Variants in KDM4B observed in about 807,000 individuals in gnomAD.
The protein encoded by KDM4B is lysine-specific demethylase 4B.
KDM4B carries 32 observed loss-of-function variants against 125.2 expected under a neutral mutation model. The ratio of observed to expected loss-of-function variants is 0.26; its 90% CI spans 0.19 to 0.34. The LOEUF is 0.34. Ranked by LOEUF, KDM4B falls within the 10% of genes least tolerant of loss-of-function variation. KDM4B has a pLI of 1.00. For synonymous variants in KDM4B, 721 were observed against 677.9 expected (o/e 1.06, Z -0.99); for missense variants, 1,190 against 1,577.7 (o/e 0.75, Z 4.16).
At chr19:5,000,142 C>T (rs2035333689) in intron 1 of KDM4B, among the ~76,000 whole-genome samples, 1 of 144,296 alleles carries the variant, frequency 6.9e-6, no homozygotes, top group Non-Finnish European at 1.5e-5. Flanking sequence ...ACCTATCCAC[C>T]CATTTACTCA....
At chr19:4,983,135 C>G in intron 1 of KDM4B, among the ~76,000 whole-genome samples, 2 of 130,634 alleles carry the variant, frequency 1.5e-5, no homozygotes, top group East Asian at 4.4e-4. Context: ...TTTTTCTTTT[C>G]TTTTTTTTTT....
intron 11 of KDM4B, among the ~76,000 whole-genome samples, chr19:5,128,860 C>CGGG (rs10718211): frequency 1.4e-5 from 1 of 70,390 alleles, no homozygotes; most frequent in African/African-American, 5.5e-5. Context: ...AGGCGGGGGG[C>CGGG]GGGGGGGGGG....
rs555917525 is a variant in KDM4B, at chr19:5,041,320, C to A, written c.432+69C>A. On this transcript the variant is annotated intron_variant, in intron 5 of 22. Transcript: ENST00000159111. Reference sequence around the variant, plus strand: ...TGGGTGGTGGTGGGAGGGCCCTGAACGGGACTCTGCCTTGGCAGATGAAGC... The same window carrying A: ...TGGGTGGTGGTGGGAGGGCCCTGAAAGGGACTCTGCCTTGGCAGATGAAGC... The A allele has an allele frequency of 3.8e-5, 46 of 1,205,672 alleles. 1 individual carries two copies. The highest frequency in any genetic ancestry group is 5.5e-5 in the Non-Finnish European group (45 of 825,304). The allele number at this position is 1,205,672 out of a possible 1,614,324, so 74.7% of individuals were successfully genotyped here.
intron 1 of KDM4B, among the ~76,000 whole-genome samples, chr19:4,987,146 A>AC (rs2034864744): frequency 6.6e-6 from 1 of 151,898 alleles, no homozygotes; most frequent in African/African-American, 2.4e-5. Flanking sequence ...TTTAGTAGAG[A>AC]TGGGGTTTCG....
At position 5,032,506 on chromosome 19, in the gene KDM4B, A is replaced by G. The variant is rs138941685; in HGVS notation, c.-25-360A>G. Reference sequence around the variant, plus strand: ...GCGGTCTCTCGTGCGGATCAGGCTCAGAGCAGAGAGACTGATGTGCAGCGG... The same window carrying G: ...GCGGTCTCTCGTGCGGATCAGGCTCGGAGCAGAGAGACTGATGTGCAGCGG... On this transcript the variant is annotated intron_variant, in intron 2 of 22. Coordinates refer to ENST00000159111, the MANE Select transcript of KDM4B (RefSeq NM_015015.3). 6.2e-3 allele frequency among the ~76,000 whole-genome samples: 940 copies of G among 152,348 alleles called. 2 individuals carry two copies. The highest frequency in any genetic ancestry group is 0.054 in the Middle Eastern group (16 of 294).
chr19:5,066,738 A>C (rs539150107), intron 6 of KDM4B, among the ~76,000 whole-genome samples: 1 of 152,204 alleles, frequency 6.6e-6, no homozygotes, highest in Non-Finnish European at 1.5e-5. Flanking sequence ...GCTACCAGGT[A>C]TATGGCTCCA....
At chr19:5,137,232 A>G (rs1200462620) in intron 15 of KDM4B, 30 bp from the exon 16 acceptor site, 1 of 1,514,662 alleles carries the variant, frequency 6.6e-7, no homozygotes, top group Non-Finnish European at 8.9e-7. Context: ...CCTGCCCCCC[A>G]GATCTCAGCC....
chr19:5,096,924 G>A (rs2038838803), intron 9 of KDM4B, among the ~76,000 whole-genome samples: 1 of 152,216 alleles, frequency 6.6e-6, no homozygotes. Context: ...AAACCTGTGA[G>A]TGATTGTAAA....
At chr19:5,116,235 TAAAAAAAAA>T (rs35940660) in intron 10 of KDM4B, among the ~76,000 whole-genome samples, 12 of 40,382 alleles carry the variant, frequency 3.0e-4, no homozygotes, top group Admixed American at 1.5e-3. Context: ...ACCACATCTC[TAAAAAAAAA>T]AAAAAAAAAA....
At position 5,131,160 on chromosome 19, in the gene KDM4B, C is replaced by T. The variant is rs767545488; in HGVS notation, c.1400C>T (p.Pro467Leu). The change falls in exon 12 of 23, where the codon CCG becomes CTG. Residue 467 changes from proline to leucine, a missense_variant. Coordinates refer to ENST00000159111, the MANE Select transcript of KDM4B (RefSeq NM_015015.3). The part of the protein sequence containing the change: ...KSFGLLPPQL[P>L]PPPAHFPSEE... ...TTCGGCCTGCTGCCCCCACAGCTGC[C>T]GCCCCCGCCTGCTCACTTCCCCTCA... 42 of 1,561,250 alleles carry T rather than the reference C, an allele frequency of 2.7e-5. No homozygotes were observed. Among genetic ancestry groups the T allele is most frequent in the East Asian group, 6.8e-5 (3 of 44,150 alleles).
intron 9 of KDM4B, among the ~76,000 whole-genome samples, chr19:5,095,419 G>A (rs950058840): frequency 6.6e-6 from 1 of 152,238 alleles, no homozygotes; most frequent in Non-Finnish European, 1.5e-5. Context: ...TTTTAAAAAA[G>A]AGATGGCCTC....
At chr19:5,055,635 G>A (rs2037371809) in intron 6 of KDM4B, among the ~76,000 whole-genome samples, 1 of 151,976 alleles carries the variant, frequency 6.6e-6, no homozygotes, top group South Asian at 2.1e-4. Context: ...AGGGCGCCCC[G>A]CAGCAGGCGA....
chr19:5,109,718 C>G (rs1285311892), intron 9 of KDM4B, among the ~76,000 whole-genome samples: 1 of 152,180 alleles, frequency 6.6e-6, no homozygotes, highest in Non-Finnish European at 1.5e-5. Context: ...GTCGTCCCTC[C>G]AGCCCTGCAA....
intron 1 of KDM4B, among the ~76,000 whole-genome samples, chr19:4,975,874 T>C (rs2145294455): frequency 6.8e-6 from 1 of 148,070 alleles, no homozygotes; most frequent in Non-Finnish European, 1.5e-5. Flanking sequence ...ATTACAGGCG[T>C]GACCCACCGT....
intron 16 of KDM4B, 79 bp downstream of exon 16, chr19:5,137,417 C>G (rs1241225917): frequency 7.3e-7 from 1 of 1,377,412 alleles, no homozygotes; most frequent in African/African-American, 1.4e-5. Flanking sequence ...GACTTTGGGG[C>G]GTAGTCTCCC....
chr19:5,008,940 G>A (rs1291562081), intron 1 of KDM4B, among the ~76,000 whole-genome samples: 6 of 125,172 alleles, frequency 4.8e-5, no homozygotes, highest in Non-Finnish European at 9.5e-5. Context: ...TTTAAAGACA[G>A]AGTTTCGCTG....
chr19:4,984,611 T>C (rs2034765345), intron 1 of KDM4B, among the ~76,000 whole-genome samples: 1 of 152,138 alleles, frequency 6.6e-6, no homozygotes, highest in Admixed American at 6.5e-5. Flanking sequence ...TCCGGTGAAC[T>C]TGGAGTGTGT....
chr19:5,082,727 G>A lies in KDM4B; in HGVS notation c.918+223G>A, dbSNP rs2038340274. ...GTGGGCAGGTCGGGTGGACGATGGT[G>A]GCCCAGGGCCCATCTCCAGCGAGTT... On this transcript the variant is annotated intron_variant, in intron 9 of 22. Coordinates refer to ENST00000159111, the MANE Select transcript of KDM4B (RefSeq NM_015015.3). This position sits in a 1 kb window ranked among gnomAD's most constrained non-coding sequence, Gnocchi z 5.4. 6.6e-6 allele frequency among the ~76,000 whole-genome samples: 1 copy of A among 152,200 alleles called. No individual in the cohort carries two copies. Among genetic ancestry groups the A allele is most frequent in the Non-Finnish European group, 1.5e-5 (1 of 68,022 alleles).
At chr19:5,075,748 C>A (rs892004932) in intron 7 of KDM4B, 1 of 152,456 alleles carries the variant, frequency 6.6e-6, no homozygotes, top group Non-Finnish European at 1.5e-5. Context: ...ATGCTGAGCA[C>A]GGCCCAACAG....
Sources: gnomAD v4.1 joint callset for allele counts (sites outside exome capture counted in the v4.1 genomes callset) on GRCh38, gnomAD v4.1.1 for gene constraint, Gnocchi (gnomAD v3.1) non-coding constraint, MANE v1.5 for transcripts, NCBI Gene and HGNC (gene_info 2026-07-23, HGNC 2026-07-21) for gene names.